SPRYD4: variants seen among roughly 807,000 people sequenced by gnomAD.
SPRYD4 encodes the protein SPRY domain-containing protein 4.
SPRYD4 carries 12 observed loss-of-function variants against 16.6 expected under a neutral mutation model. The observed-to-expected ratio is 0.72, with a 90% CI of 0.46 to 1.17. The LOEUF is 1.17. SPRYD4 is among the 50% of genes most tolerant of loss of function. The pLI, the probability that SPRYD4 is intolerant of heterozygous loss-of-function variation, is 0.00. For missense variants in SPRYD4, 260 were observed against 260.2 expected, an observed-to-expected ratio of 1.00 and a Z score of 0.00; for synonymous variants, 98 against 105.4, an observed-to-expected ratio of 0.93 and a Z score of 0.43.
rs531838701 is a variant in SPRYD4, at chr12:56,477,768, C to A, written c.*8191C>A. 3.8e-6 allele frequency: 6 copies of A among 1,579,340 alleles called. No homozygotes were observed. Among genetic ancestry groups the A allele is most frequent in the Non-Finnish European group, 5.2e-6 (6 of 1,157,892 alleles). On this transcript the variant is annotated 3_prime_UTR_variant, in exon 2 of 2. Transcript: ENST00000338146. ...GTCTTAGCCACTGAACAAAGCCTCCCTGACAGCCCGCTCACTTTGTGGGTT... is the reference window on the plus strand; with the variant it reads ...GTCTTAGCCACTGAACAAAGCCTCCATGACAGCCCGCTCACTTTGTGGGTT...
At position 56,475,949 on chromosome 12, in the gene SPRYD4, T is replaced by A; in HGVS notation, c.*6372T>A. On this transcript the variant is annotated 3_prime_UTR_variant, in exon 2 of 2. Coordinates refer to ENST00000338146, the MANE Select transcript of SPRYD4 (RefSeq NM_207344.4). ...CTAAGTAGCAAGGGAACTTACAAAA[T>A]CAAACTTCTCTGCTTTGTTACAGTC... The A allele has an allele frequency of 6.2e-7, 1 of 1,613,668 alleles. No individual in the cohort carries two copies.
intron 1 of SPRYD4, 57 bp downstream of exon 1, chr12:56,468,733 C>T: frequency 6.4e-7 from 1 of 1,564,894 alleles, no homozygotes; most frequent in Non-Finnish European, 8.8e-7. Context: ...CTATTATTCC[C>T]AGACCCCACT....
At position 56,471,442 on chromosome 12, in the gene SPRYD4, C is replaced by A; in HGVS notation, c.*1865C>A. The A allele has an allele frequency of 6.4e-7, 1 of 1,567,490 alleles. No individual in the cohort carries two copies. On this transcript the variant is annotated 3_prime_UTR_variant, in exon 2 of 2. Coordinates refer to ENST00000338146, the MANE Select transcript of SPRYD4 (RefSeq NM_207344.4). ...TGGTGGTTATGGATTACATGTGTGG[C>A]CAGCTCATGCTTTTTCTTGAGCAGG...
chr12:56,477,729 A>G lies in SPRYD4; in HGVS notation c.*8152A>G. The G allele has an allele frequency of 3.7e-6, 6 of 1,610,108 alleles. No individual in the cohort carries two copies. Among genetic ancestry groups the G allele is most frequent in the Non-Finnish European group, 5.1e-6 (6 of 1,178,060 alleles). On this transcript the variant is annotated 3_prime_UTR_variant, in exon 2 of 2. Coordinates refer to ENST00000338146, the MANE Select transcript of SPRYD4 (RefSeq NM_207344.4). ...GGTTATGGGGGATTCCTGGGGAAAT[A>G]CAAACCACCAAGAGTCTTAGCCACT...
At position 56,469,350 on chromosome 12, in the gene SPRYD4, A is replaced by C. The variant is rs1192620434; in HGVS notation, c.397A>C (p.Thr133Pro). ...VFTYAQRKWY[T>P]MLANEKAPVE... ...CACCTATGCCCAGCGCAAGTGGTACACCATGTTGGCCAACGAGAAAGCCCC... is the reference window on the plus strand; with the variant it reads ...CACCTATGCCCAGCGCAAGTGGTACCCCATGTTGGCCAACGAGAAAGCCCC... Residue 133 changes from threonine (T) to proline (P), a missense_variant, in exon 2 of 2, where the codon ACC (threonine) becomes CCC (proline). Thr to Pro is a conservative substitution (Grantham distance 38, BLOSUM62 -1). Transcript: ENST00000338146. 1.2e-6 allele frequency: 2 copies of C among 1,614,118 alleles called. No individual in the cohort carries two copies. The highest frequency in any genetic ancestry group is 1.7e-5 in the Admixed American group (1 of 60,026).
In SPRYD4 at chr12:56,475,188, A is replaced by G. The variant is rs1869697667; in HGVS notation, c.*5611A>G. 3.1e-6 allele frequency: 5 copies of G among 1,606,820 alleles called. No individual in the cohort carries two copies. Among genetic ancestry groups the G allele is most frequent in the Non-Finnish European group, 4.2e-6 (5 of 1,179,972 alleles). ...GAAGGGGAAAAATTACCTTCCCTGG[A>G]GAGACAGAACTACATCACACCACAA... On this transcript the variant is annotated 3_prime_UTR_variant, in exon 2 of 2. Coordinates refer to ENST00000338146, the MANE Select transcript of SPRYD4 (RefSeq NM_207344.4).
chr12:56,475,292 T>G lies in SPRYD4; in HGVS notation c.*5715T>G, dbSNP rs1592275330. 6 of 1,473,734 alleles carry G rather than the reference T, an allele frequency of 4.1e-6. No individual in the cohort carries two copies. In the East Asian group the frequency reaches 1.5e-4, roughly 36 times the overall value. The allele number at this position is 1,473,734 out of a possible 1,614,324, so 91.3% of individuals were successfully genotyped here. A position where few individuals can be genotyped will look rare whatever the true frequency, so the allele number is the denominator to read the frequency against. On this transcript the variant is annotated 3_prime_UTR_variant, in exon 2 of 2. Coordinates refer to ENST00000338146, the MANE Select transcript of SPRYD4 (RefSeq NM_207344.4). ...ACCTGAGCAAACACTCAGCATAGTT[T>G]TGTTATAAAGTAAACCCAAACCAAA... is the stretch of plus-strand genomic sequence containing the variant.
rs147222384 is a variant in SPRYD4, at chr12:56,476,265, C to T, written c.*6688C>T. 1.9e-5 allele frequency: 7 copies of T among 376,254 alleles called. No homozygotes were observed. Among genetic ancestry groups the T allele is most frequent in the Admixed American group, 8.3e-5 (2 of 24,144 alleles). The allele number at this position is 376,254 out of a possible 1,614,324, so 23.3% of individuals were successfully genotyped here. On this transcript the variant is annotated 3_prime_UTR_variant, in exon 2 of 2. Transcript: ENST00000338146. ...GCAGCTTTGACCTCCCAGGCTCAAGCGATCCTCCCACTTCAGCCTCCAAGT... is the reference window on the plus strand; with the variant it reads ...GCAGCTTTGACCTCCCAGGCTCAAGTGATCCTCCCACTTCAGCCTCCAAGT...
chr12:56,475,380 A>G lies in SPRYD4; in HGVS notation c.*5803A>G, dbSNP rs1036236554. The stretch of plus-strand genomic sequence containing the variant: ...AGTTTTTGGCTTTGAAAGTCTTGGC[A>G]AGAAAGGGCTTAGGCACAAACCATC... On this transcript the variant is annotated 3_prime_UTR_variant, in exon 2 of 2. Transcript: ENST00000338146. The G allele has an allele frequency of 2.4e-6, 2 of 832,470 alleles. No homozygotes were observed. Among genetic ancestry groups the G allele is most frequent in the African/African-American group, 3.4e-5 (2 of 58,146 alleles). 51.6% of individuals were successfully genotyped at this position (832,470 alleles called of 1,614,324 possible). A position where few individuals can be genotyped will look rare whatever the true frequency, so the allele number is the denominator to read the frequency against.
In SPRYD4 at chr12:56,473,475, G is replaced by C; in HGVS notation, c.*3898G>C. 6.2e-7 allele frequency: 1 copy of C among 1,611,860 alleles called. No homozygotes were observed. Among genetic ancestry groups the C allele is most frequent in the Non-Finnish European group, 8.5e-7 (1 of 1,178,702 alleles). On this transcript the variant is annotated 3_prime_UTR_variant, in exon 2 of 2. Transcript: ENST00000338146. ...CAAAGCATCTCACCTGGCAGAAGCT[G>C]GTCCCCCTATGGCTGTTCCCCAGCT...
Position 56,476,029 on chromosome 12 carries a change from G to C in SPRYD4, c.*6452G>C, listed in dbSNP as rs759803085. The stretch of plus-strand genomic sequence containing the variant: ...ATTCTAAGTGTAGGAGGATGACAGA[G>C]GGAAGGGTCAGAAGGATCTAGTGGA... On this transcript the variant is annotated 3_prime_UTR_variant, in exon 2 of 2. Coordinates refer to ENST00000338146, the MANE Select transcript of SPRYD4 (RefSeq NM_207344.4). The C allele has an allele frequency of 1.3e-4, 203 of 1,574,506 alleles. 1 individual carries two copies. The Admixed American group carries it at 1.4e-3, about 11-fold the overall frequency.
In SPRYD4 at chr12:56,474,584, G is replaced by C; in HGVS notation, c.*5007G>C. 6.2e-7 allele frequency: 1 copy of C among 1,614,194 alleles called. No homozygotes were observed. The highest frequency in any genetic ancestry group is 1.1e-5 in the South Asian group (1 of 91,088). On this transcript the variant is annotated 3_prime_UTR_variant, in exon 2 of 2. Transcript: ENST00000338146. ...GCCAGAGAAGTCATACATGCCGCAG[G>C]AATGCATGAGGCTGAGGGTGTTGCG...
In SPRYD4 at chr12:56,469,168, G is replaced by A. The variant is rs1869128084; in HGVS notation, c.215G>A (p.Arg72Gln). The change falls in exon 2 of 2, where the codon CGG becomes CAG. Residue 72 changes from arginine to glutamine, a missense_variant. Transcript: ENST00000338146. ...GTGGCCTTGAATGTGGAGCGCTTCC[G>A]GGAGTGGGCAGTGGTGCTGGCAGAC... The part of the protein sequence containing the change: ...TKVALNVERF[R>Q]EWAVVLADTA... 3 of 1,614,028 alleles carry A rather than the reference G, an allele frequency of 1.9e-6. No individual in the cohort carries two copies. The highest frequency in any genetic ancestry group is 1.3e-5 in the African/African-American group (1 of 74,914).
Position 56,474,902 on chromosome 12 carries a change from A to G in SPRYD4, c.*5325A>G. The G allele has an allele frequency of 6.2e-7, 1 of 1,614,140 alleles. No individual in the cohort carries two copies. The stretch of plus-strand genomic sequence containing the variant: ...TCCACCCCCTTAGGAAAGCACTGCA[A>G]GGAAGAGAGGGGAGAGCATTTCTCT... On this transcript the variant is annotated 3_prime_UTR_variant, in exon 2 of 2. Coordinates refer to ENST00000338146, the MANE Select transcript of SPRYD4 (RefSeq NM_207344.4).
Position 56,468,786 on chromosome 12 carries a change from C to T in SPRYD4, c.85+110C>T, listed in dbSNP as rs920287172. 39 of 1,249,068 alleles carry T rather than the reference C, an allele frequency of 3.1e-5. No individual in the cohort carries two copies. The East Asian group carries it at 7.3e-4, about 23-fold the overall frequency. The allele number at this position is 1,249,068 out of a possible 1,614,324, so 77.4% of individuals were successfully genotyped here. A position where few individuals can be genotyped will look rare whatever the true frequency, so the allele number is the denominator to read the frequency against. On this transcript the variant is annotated intron_variant, in intron 1 of 1. Transcript: ENST00000338146. ...CCCTCTCGGGTCTTTTCCTTCCCCA[C>T]CTGCCTTGGTCTTAAGATTCCAAAC...
intron 1 of SPRYD4, 29 bp from the exon 2 acceptor site, chr12:56,469,010 A>G: frequency 3.9e-6 from 6 of 1,534,874 alleles, no homozygotes; most frequent in Admixed American, 2.1e-5. Flanking sequence ...AGCCCCTGTT[A>G]TTATCCCGTC....
In SPRYD4 at chr12:56,477,470, T is replaced by G; in HGVS notation, c.*7893T>G. ...CAGTACTGAGTGGGGATGACGGAGG[T>G]GGTGCAGTCTCTTATACTGACATTG... is the stretch of plus-strand genomic sequence containing the variant. On this transcript the variant is annotated 3_prime_UTR_variant, in exon 2 of 2. Coordinates refer to ENST00000338146, the MANE Select transcript of SPRYD4 (RefSeq NM_207344.4). The G allele has an allele frequency of 1.9e-6, 1 of 533,622 alleles. No homozygotes were observed. Among genetic ancestry groups the G allele is most frequent in the East Asian group, 3.0e-5 (1 of 32,926 alleles). The allele number at this position is 533,622 out of a possible 1,614,324, so 33.1% of individuals were successfully genotyped here. A position where few individuals can be genotyped will look rare whatever the true frequency, so the allele number is the denominator to read the frequency against.
chr12:56,475,494 C>G lies in SPRYD4; in HGVS notation c.*5917C>G. On this transcript the variant is annotated 3_prime_UTR_variant, in exon 2 of 2. Transcript: ENST00000338146. The stretch of plus-strand genomic sequence containing the variant: ...TGTTTATGAAGGGACTCAGAGGAAG[C>G]TGGAGGGCCAAAGTTCCCCTGGGAT... The G allele has an allele frequency of 1.1e-6, 1 of 918,344 alleles. No homozygotes were observed. The highest frequency in any genetic ancestry group is 1.7e-6 in the Non-Finnish European group (1 of 596,218). The allele number at this position is 918,344 out of a possible 1,614,324, so 56.9% of individuals were successfully genotyped here. A position where few individuals can be genotyped will look rare whatever the true frequency, so the allele number is the denominator to read the frequency against.
In SPRYD4 at chr12:56,475,221, G is replaced by C. The variant is rs1869700781; in HGVS notation, c.*5644G>C. ...AACTACATCACACCACAAACTAAAT[G>C]AACCCCTTTATAACTTCTCACAGTA... On this transcript the variant is annotated 3_prime_UTR_variant, in exon 2 of 2. Transcript: ENST00000338146. The C allele has an allele frequency of 4.4e-6, 7 of 1,599,952 alleles. No homozygotes were observed. The highest frequency in any genetic ancestry group is 5.1e-6 in the Non-Finnish European group (6 of 1,178,798).
Sources: gnomAD v4.1 joint callset for allele counts on GRCh38, gnomAD v4.1.1 for gene constraint, MANE v1.5 for transcripts, NCBI Gene and HGNC (gene_info 2026-07-23, HGNC 2026-07-21) for gene names.